The following CLCN4 variants were observed in gnomAD, a reference collection of about 807,000 sequenced individuals.
The protein encoded by CLCN4 is Cl-/H+ antiporter 4.
A neutral mutation model predicts 41.7 loss-of-function variants in CLCN4; 1 was observed. The observed-to-expected ratio is 0.02, with a 90% confidence interval of 0.01 to 0.11. The LOEUF is 0.11. Ranked by LOEUF, CLCN4 falls within the 10% of genes least tolerant of loss-of-function variation. The pLI, the probability that CLCN4 is intolerant of heterozygous loss-of-function variation, is 1.00. For synonymous variants in CLCN4, 277 were observed against 285.8 expected (o/e 0.97, Z 0.31); for missense variants, 287 against 661.0 (o/e 0.43, Z 6.20).
intron 2 of CLCN4, among the ~76,000 whole-genome samples, chrX:10,169,331 G>C (rs769710854): frequency 9.0e-6 from 1 of 111,479 alleles, no homozygotes; most frequent in Non-Finnish European, 1.9e-5. Context: ...ATAAGAAACC[G>C]TCAGCTTGTG....
At chrX:10,182,852 G>A (rs574380143) in intron 2 of CLCN4, among the ~76,000 whole-genome samples, 7 of 112,627 alleles carry the variant, frequency 6.2e-5, no homozygotes, top group Middle Eastern at 4.6e-3. Flanking sequence ...TGCATGTTCC[G>A]TCAAAGTTTA....
chrX:10,206,955 T>C (rs754507689), intron 8 of CLCN4, among the ~76,000 whole-genome samples, 179 bp downstream of exon 8: 1 of 110,819 alleles, frequency 9.0e-6, no homozygotes, highest in Non-Finnish European at 1.9e-5. Context: ...AGTCTCACTC[T>C]GTCACCCAGG....
chrX:10,209,310 C>CCTTCT (rs2147180353), intron 9 of CLCN4, among the ~76,000 whole-genome samples: 1 of 87,524 alleles, frequency 1.1e-5, no homozygotes, highest in East Asian at 4.3e-4. Flanking sequence ...CCCTTCCTTC[C>CCTTCT]CTTCTCTTCC....
intron 12 of CLCN4, among the ~76,000 whole-genome samples, chrX:10,227,634 A>T (rs1925020711): frequency 9.0e-6 from 1 of 111,649 alleles, no homozygotes; most frequent in Non-Finnish European, 1.9e-5. Context: ...TCACCCCAAA[A>T]AGAAACCCCA....
rs1307880121 is a variant in CLCN4, at chrX:10,220,821, G to A, written c.2136G>A (p.Thr712=). The A allele has an allele frequency of 5.8e-6, 7 of 1,210,364 alleles. No homozygotes were observed. Among genetic ancestry groups the A allele is most frequent in the Middle Eastern group, 2.3e-4 (1 of 4,376 alleles). The change falls in exon 12 of 13, where the codon ACG becomes ACA. Residue 712 remains threonine, a synonymous_variant. Transcript: ENST00000380833. ...FTVTDHTPME[T]VVDIFRKLGL... ...TGACAGACCACACTCCGATGGAAAC[G>A]GTGGTGGATATCTTCCGGAAACTGG...
intron 12 of CLCN4, among the ~76,000 whole-genome samples, chrX:10,221,214 C>T (rs1308489782): frequency 2.7e-5 from 3 of 111,602 alleles, no homozygotes; most frequent in African/African-American, 6.5e-5. Flanking sequence ...TCTGCTATAA[C>T]GTGATGTATG....
intron 9 of CLCN4, among the ~76,000 whole-genome samples, chrX:10,209,305 C>CT (rs1268423271): frequency 8.9e-4 from 76 of 85,157 alleles, no homozygotes; most frequent in African/African-American, 3.3e-3. Context: ...TCCTTCCCTT[C>CT]CTTCCCTTCT....
chrX:10,233,159 T>C (rs987588405), intron 12 of CLCN4, among the ~76,000 whole-genome samples: 4 of 112,447 alleles, frequency 3.6e-5, no homozygotes, highest in African/African-American at 1.3e-4. Flanking sequence ...ACATGTTACA[T>C]CCACTGTGGA....
chrX:10,164,101 G>A (rs775423257), intron 2 of CLCN4, among the ~76,000 whole-genome samples: 3 of 112,252 alleles, frequency 2.7e-5, no homozygotes, highest in South Asian at 3.7e-4. Context: ...TGAAAGGATG[G>A]ACAGCAAAGG....
At chrX:10,215,446 G>A (rs1924678001) in intron 11 of CLCN4, among the ~76,000 whole-genome samples, 1 of 111,943 alleles carries the variant, frequency 8.9e-6, no homozygotes, top group African/African-American at 3.3e-5. Context: ...GCAAGTTTGT[G>A]CTTAAGTGTT....
intron 11 of CLCN4, among the ~76,000 whole-genome samples, chrX:10,217,986 G>A (rs10047009): frequency 0.012 from 1,309 of 110,675 alleles, 9 homozygotes; most frequent in Middle Eastern, 0.066. Flanking sequence ...TAAGTGATCC[G>A]CCCACCTCAG....
At chrX:10,204,652 A>G (rs1448399383) in intron 6 of CLCN4, among the ~76,000 whole-genome samples, 3 of 27,836 alleles carry the variant, frequency 1.1e-4, no homozygotes, top group Non-Finnish European at 2.5e-4. Flanking sequence ...TTTTTTTTAC[A>G]TACTACTTTT....
chrX:10,184,165 T>C (rs1378674152), intron 2 of CLCN4, among the ~76,000 whole-genome samples: 1 of 112,571 alleles, frequency 8.9e-6, no homozygotes, highest in Non-Finnish European at 1.9e-5. Context: ...TTGATTACCA[T>C]TATTTTCATT....
At chrX:10,184,962 C>T in intron 2 of CLCN4, 60 bp from the exon 3 acceptor site, 2 of 987,081 alleles carry the variant, frequency 2.0e-6, no homozygotes, top group Admixed American at 3.0e-5. Context: ...ATGGACTATT[C>T]TTCTTGCATG....
chrX:10,216,897 G>GTGTATATATATATATATATATATATA (rs1411470927), intron 11 of CLCN4, among the ~76,000 whole-genome samples: 1 of 20,827 alleles, frequency 4.8e-5, no homozygotes, highest in Non-Finnish European at 9.2e-5. Context: ...GTGTGTGTGT[G>GTGTATATATATATATATATATATATA]TATATATATA....
chrX:10,187,049 C>T (rs1322707086), intron 3 of CLCN4, among the ~76,000 whole-genome samples: 1 of 111,924 alleles, frequency 8.9e-6, no homozygotes, highest in Admixed American at 9.4e-5. Flanking sequence ...GAGACGTGAT[C>T]TGTGCCAGCT....
chrX:10,189,344 C>A (rs1166703039), intron 4 of CLCN4, among the ~76,000 whole-genome samples: 2 of 111,851 alleles, frequency 1.8e-5, no homozygotes, highest in East Asian at 2.8e-4. Context: ...GCTTTATTAT[C>A]CACTTGATTT....
chrX:10,226,666 GAAGAA>G (rs748794430), intron 12 of CLCN4, among the ~76,000 whole-genome samples: 1 of 111,025 alleles, frequency 9.0e-6, no homozygotes, highest in African/African-American at 3.3e-5. Context: ...GAGTAATAAA[GAAGAA>G]AAGAGAGAAG....
At chrX:10,175,947 T>TCCCTCC (rs1569224617) in intron 2 of CLCN4, among the ~76,000 whole-genome samples, 6,381 of 55,596 alleles carry the variant, frequency 0.11, 251 homozygotes, top group East Asian at 0.19. Flanking sequence ...TCCCTCTCCC[T>TCCCTCC]CTCTCTCTCT....
Sources: gnomAD v4.1 joint callset for allele counts (sites outside exome capture counted in the v4.1 genomes callset) on GRCh38, gnomAD v4.1.1 for gene constraint, MANE v1.5 for transcripts, NCBI Gene and HGNC (gene_info 2026-07-23, HGNC 2026-07-21) for gene names.